DDX17: variants seen among roughly 807,000 people sequenced by gnomAD.
The protein encoded by DDX17 is DEAD-box helicase 17.
Under a neutral mutation model 80.8 loss-of-function variants are expected in DDX17, and 10 were observed. The observed-to-expected ratio is 0.12, with a 90% CI of 0.08 to 0.21. The LOEUF is 0.21. Among genes scored for constraint, DDX17 ranks in the 10% least tolerant of loss-of-function variants. The pLI, the probability that DDX17 is intolerant of heterozygous loss-of-function variation, is 1.00. For synonymous variants in DDX17, 339 were observed against 336.2 expected (o/e 1.01, Z -0.09); for missense variants, 586 against 957.4 (o/e 0.61, Z 5.12).
chr22:38,501,388 C>A, intron 1 of DDX17, 108 bp from the exon 2 acceptor site: 2 of 1,307,938 alleles, frequency 1.5e-6, no homozygotes, highest in Non-Finnish European at 2.0e-6. Flanking sequence ...TACCAGCCTA[C>A]CTCCAAAAAG....
intron 6 of DDX17, among the ~76,000 whole-genome samples, 191 bp from the exon 7 acceptor site, chr22:38,495,237 A>T (rs1207155373): frequency 1.5e-5 from 2 of 132,890 alleles, no homozygotes; most frequent in African/African-American, 2.8e-5. Context: ...TCAATGCTGC[A>T]GAGAAGCTAT....
intron 2 of DDX17, among the ~76,000 whole-genome samples, chr22:38,499,762 GA>G (rs910588125): frequency 2.0e-5 from 3 of 151,576 alleles, no homozygotes; most frequent in African/African-American, 7.3e-5. Context: ...GAATGAGAAG[GA>G]AAAAAAAGTG....
chr22:38,491,865 A>G (rs2089716900), intron 11 of DDX17, 191 bp downstream of exon 11: 7 of 458,482 alleles, frequency 1.5e-5, no homozygotes, highest in Non-Finnish European at 1.9e-5. Context: ...GGGGTGGGGG[A>G]AACCAAAGTT....
chr22:38,496,819 T>C (rs1029802422), intron 5 of DDX17, among the ~76,000 whole-genome samples: 1 of 152,202 alleles, frequency 6.6e-6, no homozygotes, highest in Non-Finnish European at 1.5e-5. Flanking sequence ...AATCAAGGTA[T>C]CATATACCAT....
chr22:38,488,910 C>T, intron 11 of DDX17: 1 of 985,316 alleles, frequency 1.0e-6, no homozygotes, highest in Non-Finnish European at 1.2e-6. Context: ...GTCTACGTGA[C>T]CTGGGAAATT....
intron 5 of DDX17, among the ~76,000 whole-genome samples, chr22:38,497,297 C>CAAAAAAAAAA (rs138448): frequency 5.5e-5 from 2 of 36,172 alleles, no homozygotes; most frequent in Non-Finnish European, 9.1e-5. Context: ...AACTCCATCT[C>CAAAAAAAAAA]AAAAAAAAAA....
At chr22:38,490,146 T>G (rs1465324633) in intron 11 of DDX17, 1 of 1,155,654 alleles carries the variant, frequency 8.7e-7, no homozygotes, top group African/African-American at 1.6e-5. Flanking sequence ...AGCGCAGAAT[T>G]TGGTTTTCTC....
At chr22:38,493,099 A>G (rs534280445) in intron 10 of DDX17, among the ~76,000 whole-genome samples, 34 of 152,334 alleles carry the variant, frequency 2.2e-4, no homozygotes, top group African/African-American at 8.2e-4. Context: ...AATTCAATCA[A>G]CTATACAACA....
At chr22:38,490,643 G>C (rs1007858453) in intron 11 of DDX17, 26 of 364,190 alleles carry the variant, frequency 7.1e-5, no homozygotes, top group Non-Finnish European at 1.1e-4. Flanking sequence ...AAAAGGCCCT[G>C]GTGACTCAGC....
chr22:38,488,380 C>T, intron 11 of DDX17: 1 of 1,340,046 alleles, frequency 7.5e-7, no homozygotes, highest in Non-Finnish European at 9.6e-7. Context: ...CATCCAAACT[C>T]CTGCCTCTGC....
In DDX17 at chr22:38,506,291, C is replaced by A. The variant is rs1419297518; in HGVS notation, c.-54G>T. The A allele has an allele frequency of 6.7e-7, 1 of 1,501,632 alleles. No individual in the cohort carries two copies. Among genetic ancestry groups the A allele is most frequent in the South Asian group, 1.3e-5 (1 of 77,698 alleles). The allele number at this position is 1,501,632 out of a possible 1,614,324, so 93.0% of individuals were successfully genotyped here. A position where few individuals can be genotyped will look rare whatever the true frequency, so the allele number is the denominator to read the frequency against. On this transcript the variant is annotated 5_prime_UTR_variant, in exon 1 of 13. Transcript: ENST00000403230. ...CGCGGTTTAGGCGTCTCCTTCCTTC[C>A]CAGCGACTGCACAAAATGGCGGCCG... is the stretch of plus-strand genomic sequence containing the variant.
chr22:38,483,946 G>A lies in DDX17; in HGVS notation c.*1989C>T, dbSNP rs1173205917. 6.6e-6 allele frequency: 1 copy of A among 152,276 alleles called. No homozygotes were observed. Among genetic ancestry groups the A allele is most frequent in the East Asian group, 1.9e-4 (1 of 5,186 alleles). The allele number at this position is 152,276 out of a possible 1,614,324, so 9.4% of individuals were successfully genotyped here. On this transcript the variant is annotated 3_prime_UTR_variant, in exon 13 of 13. Coordinates refer to ENST00000403230, the MANE Select transcript of DDX17 (RefSeq NM_006386.5). ...GTTATTTTATGATTACAATGTCCCA[G>A]GTGGAAAAAGGGAAGCAAGCAATCC...
chr22:38,494,487 A>C, intron 8 of DDX17, 143 bp downstream of exon 8: 2 of 748,870 alleles, frequency 2.7e-6, no homozygotes, highest in Non-Finnish European at 4.2e-6. Flanking sequence ...GACAAATGAT[A>C]TGATGATGGA....
rs959042355 is a variant in DDX17 at position 38,485,938 on chromosome 22, T to C, written c.2187A>G (p.Lys729=). ...AGTCACTACCACTTGAGTGGTTTCA[T>C]TTACGTGAAGGAGGAGGAGGGGGAG... Residue 729 remains lysine (K), a synonymous_variant, in exon 13 of 13, where the codon AAA becomes AAG. Coordinates refer to ENST00000403230, the MANE Select transcript of DDX17 (RefSeq NM_006386.5). 6.2e-7 allele frequency: 1 copy of C among 1,612,906 alleles called. No individual in the cohort carries two copies. The highest frequency in any genetic ancestry group is 8.5e-7 in the Non-Finnish European group (1 of 1,179,786).
Position 38,485,492 on chromosome 22 carries a change from C to G in DDX17, c.*443G>C. ...ACCCAGTAATGAGAAATTTAAAGCA[C>G]AGATGCCATCTTCCTCTGCAAAACA... is the stretch of plus-strand genomic sequence containing the variant. On this transcript the variant is annotated 3_prime_UTR_variant, in exon 13 of 13. Coordinates refer to ENST00000403230, the MANE Select transcript of DDX17 (RefSeq NM_006386.5). The G allele has an allele frequency of 6.6e-6, 1 of 152,104 alleles. No individual in the cohort carries two copies. The highest frequency in any genetic ancestry group is 2.1e-4 in the South Asian group (1 of 4,826). The allele number at this position is 152,104 out of a possible 1,614,324, so 9.4% of individuals were successfully genotyped here.
rs1286857208 is a variant in DDX17 at position 38,484,590 on chromosome 22, TGTCTGATGTCCCTATCCTGTTGTA to T, written c.*1321_*1344del. 11 of 152,272 alleles carry T rather than the reference TGTCTGATGTCCCTATCCTGTTGTA, an allele frequency of 7.2e-5. No individual in the cohort carries two copies. Among genetic ancestry groups the T allele is most frequent in the African/African-American group, 2.7e-4 (11 of 41,470 alleles). The allele number at this position is 152,272 out of a possible 1,614,324, so 9.4% of individuals were successfully genotyped here. A position where few individuals can be genotyped will look rare whatever the true frequency, so the allele number is the denominator to read the frequency against. ...CAGATCTGGAAGGGGTTTCTGGGGC[TGTCTGATGTCCCTATCCTGTTGTA>T]GTGAACACAATAGCAGAAAATTCTT... On this transcript the variant is annotated 3_prime_UTR_variant, in exon 13 of 13. Transcript: ENST00000403230.
chr22:38,498,350 G>A, intron 4 of DDX17, 90 bp downstream of exon 4: 1 of 1,545,860 alleles, frequency 6.5e-7, no homozygotes, highest in South Asian at 1.2e-5. Flanking sequence ...TATCTGAATG[G>A]CACTTCTACG....
intron 5 of DDX17, among the ~76,000 whole-genome samples, chr22:38,497,857 T>C (rs975135535): frequency 2.6e-5 from 4 of 152,130 alleles, no homozygotes; most frequent in Non-Finnish European, 5.9e-5. Context: ...CCATACAGCA[T>C]GCATGGTTTC....
chr22:38,504,328 G>A (rs1474186002), intron 1 of DDX17, among the ~76,000 whole-genome samples: 1 of 152,086 alleles, frequency 6.6e-6, no homozygotes, highest in East Asian at 1.9e-4. Context: ...ACAATTTATG[G>A]AGACATTTGC....
Sources: gnomAD v4.1 joint callset for allele counts (sites outside exome capture counted in the v4.1 genomes callset) on GRCh38, gnomAD v4.1.1 for gene constraint, MANE v1.5 for transcripts, NCBI Gene and HGNC (gene_info 2026-07-23, HGNC 2026-07-21) for gene names.